The following NOTCH2NLB variants were observed in gnomAD, a reference collection of about 807,000 sequenced individuals.
NOTCH2NLB encodes notch 2 N-terminal like B.
In NOTCH2NLB, 1 loss-of-function variant was observed where a neutral mutation model predicts 14.8. The ratio of observed to expected loss-of-function variants is 0.07; its 90% CI spans 0.02 to 0.32. The LOEUF is 0.32. Among genes scored for constraint, NOTCH2NLB ranks in the 10% least tolerant of loss-of-function variants. The pLI is 1.00. For synonymous variants in NOTCH2NLB, 6 were observed against 57.5 expected, an observed-to-expected ratio of 0.10 and a Z score of 4.05; for missense variants, 11 against 155.0, an observed-to-expected ratio of 0.07 and a Z score of 4.93.
At chr1:148,712,506 G>A in the NOTCH2NLB span, among the ~76,000 whole-genome samples, 1 of 152,306 alleles carries the variant, frequency 6.6e-6, no homozygotes, top group Non-Finnish European at 1.5e-5. Flanking sequence ...TCAGAAATGA[G>A]AGATGGGCTC....
At chr1:148,679,746 T>A in exon 1 of NOTCH2NLB, 1 of 928,168 alleles carries the variant, frequency 1.1e-6, no homozygotes, top group Non-Finnish European at 1.4e-6. Context: ...GAAGTTTGGC[T>A]GAAACTTTCT....
chr1:148,622,385 AT>A (rs1663904460), intron 2 of NOTCH2NLB, among the ~76,000 whole-genome samples: 2 of 100,922 alleles, frequency 2.0e-5, no homozygotes, highest in South Asian at 3.9e-4. Flanking sequence ...AAAAAAAAAA[AT>A]TCACAGCTAG....
intron 3 of NOTCH2NLB, among the ~76,000 whole-genome samples, chr1:148,611,981 GTTGA>G (rs1455209923): frequency 2.6e-5 from 4 of 151,916 alleles, no homozygotes; most frequent in East Asian, 1.9e-4. Flanking sequence ...TTGGTGGCAG[GTTGA>G]TTATGTTGGA....
chr1:148,636,958 C>A (rs1664214301), intron 2 of NOTCH2NLB, among the ~76,000 whole-genome samples: 1 of 144,968 alleles, frequency 6.9e-6, no homozygotes. Context: ...TTGTTTCCCT[C>A]AAAACAGGAA....
chr1:148,670,877 T>C lies in NOTCH2NLB; in HGVS notation c.3+8585A>G, dbSNP rs1184749888. 8.9e-3 allele frequency among the ~76,000 whole-genome samples: 183 copies of C among 20,562 alleles called. 1 individual carries two copies. The highest frequency in any genetic ancestry group is 0.016 in the Non-Finnish European group (140 of 8,960). The allele number at this position is 20,562 out of a possible 152,430, so 13.5% of individuals were successfully genotyped here. A position where few individuals can be genotyped will look rare whatever the true frequency, so the allele number is the denominator to read the frequency against. ...TTCAATGTTTGCTTTTAGTTACAAC[T>C]ATTTTCCTTAACTCTCTTAGAAAGA... On this transcript the variant is annotated intron_variant, in intron 1 of 4. Transcript: ENST00000593495.
chr1:148,658,550 CTTTTTTTTTTT>C (rs1194273075), intron 1 of NOTCH2NLB, among the ~76,000 whole-genome samples: 3 of 38,574 alleles, frequency 7.8e-5, no homozygotes, highest in African/African-American at 9.8e-5. Flanking sequence ...CCCAATACCA[CTTTTTTTTTTT>C]TTTTTTTTTT....
At chr1:148,610,356 A>T (rs1452400596) in intron 3 of NOTCH2NLB, among the ~76,000 whole-genome samples, 1 of 117,898 alleles carries the variant, frequency 8.5e-6, no homozygotes, top group Non-Finnish European at 1.8e-5. Context: ...AAAGAAAGAA[A>T]GAAAGAAAGA....
intron 1 of NOTCH2NLB, among the ~76,000 whole-genome samples, chr1:148,651,161 AAATATAT>A (rs1315705641): frequency 1.9e-3 from 77 of 40,528 alleles, no homozygotes; most frequent in African/African-American, 4.8e-3. Context: ...AAAAAAAAAA[AAATATAT>A]ATATATATAT....
intron 2 of NOTCH2NLB, among the ~76,000 whole-genome samples, chr1:148,639,136 T>A: frequency 7.1e-6 from 1 of 141,494 alleles, no homozygotes. Flanking sequence ...AAAAAAAAAA[T>A]GCTCTTAAGC....
intron 3 of NOTCH2NLB, among the ~76,000 whole-genome samples, 162 bp from the exon 4 acceptor site, chr1:148,607,907 G>A (rs1663555750): frequency 7.1e-6 from 1 of 139,994 alleles, no homozygotes; most frequent in Admixed American, 6.9e-5. Context: ...ATCTGACACA[G>A]AGCTCTCTCC....
chr1:148,608,144 T>G (rs1485810399), intron 3 of NOTCH2NLB, among the ~76,000 whole-genome samples: 2 of 135,768 alleles, frequency 1.5e-5, no homozygotes, highest in African/African-American at 6.7e-5. Flanking sequence ...ATTCCAGCAC[T>G]TTGGAAGGCC....
the NOTCH2NLB span, among the ~76,000 whole-genome samples, chr1:148,685,964 ACACT>A: frequency 1.9e-5 from 1 of 53,326 alleles, no homozygotes; most frequent in Non-Finnish European, 3.6e-5. Context: ...GCTTCTGAAA[ACACT>A]CTAATTAAAA....
At chr1:148,601,564 CTG>C in the NOTCH2NLB span, among the ~76,000 whole-genome samples, 1 of 149,072 alleles carries the variant, frequency 6.7e-6, no homozygotes, top group African/African-American at 2.4e-5. Context: ...CATTTTAAGA[CTG>C]TGCTGTTATA....
chr1:148,633,993 TATG>T (rs1159966787), intron 2 of NOTCH2NLB, among the ~76,000 whole-genome samples: 1 of 86,976 alleles, frequency 1.1e-5, no homozygotes, highest in East Asian at 4.4e-4. Flanking sequence ...TGTGAAATAA[TATG>T]ATAACAATAT....
intron 1 of NOTCH2NLB, among the ~76,000 whole-genome samples, chr1:148,670,448 A>T (rs1664735004): frequency 6.9e-6 from 1 of 144,666 alleles, no homozygotes; most frequent in African/African-American, 2.5e-5. Flanking sequence ...AATGGTAAAG[A>T]TTTTTAAAAA....
the NOTCH2NLB span, among the ~76,000 whole-genome samples, chr1:148,691,807 T>C: frequency 4.5e-4 from 39 of 86,074 alleles, 9 homozygotes; most frequent in African/African-American, 2.0e-3. Context: ...CTCACTCTTT[T>C]AGTTCACAGT....
At chr1:148,689,427 G>A in the NOTCH2NLB span, among the ~76,000 whole-genome samples, 1 of 142,346 alleles carries the variant, frequency 7.0e-6, no homozygotes, top group African/African-American at 2.6e-5. Context: ...GGGATTACAG[G>A]CGCACGTGAC....
At chr1:148,625,373 G>T (rs1311373313) in intron 2 of NOTCH2NLB, among the ~76,000 whole-genome samples, 1 of 87,452 alleles carries the variant, frequency 1.1e-5, no homozygotes, top group Admixed American at 1.1e-4. Flanking sequence ...ACGAGGATTT[G>T]GCCATTCAAG....
At chr1:148,602,285 AG>A (rs1663393258), downstream of NOTCH2NLB, among the ~76,000 whole-genome samples, 26 of 73,540 alleles carry the variant, frequency 3.5e-4, no homozygotes, top group South Asian at 6.5e-4. Context: ...AAAAAAGAAA[AG>A]AAAAGAAAAT....
Sources: allele counts gnomAD v4.1 joint callset (sites outside exome capture counted in the v4.1 genomes callset), GRCh38; gene constraint gnomAD v4.1.1; transcripts MANE v1.5; gene names NCBI Gene and HGNC (gene_info 2026-07-23, HGNC 2026-07-21).